The following RHOU variants were observed in gnomAD, a reference collection of about 807,000 sequenced individuals.
The protein encoded by RHOU is ras homolog family member U, also known as rho-related GTP-binding protein RhoU.
RHOU carries 8 observed loss-of-function variants against 12.6 expected under a neutral mutation model. The observed-to-expected ratio is 0.64, with a 90% CI of 0.37 to 1.15. RHOU has a LOEUF of 1.15. Ranked by LOEUF, RHOU falls within the 50% of genes most tolerant of loss-of-function variation. The probability of loss-of-function intolerance (pLI) is 0.01; values close to 1 mark genes in which losing one functional copy is unlikely to be tolerated. For synonymous variants in RHOU, 161 were observed against 147.4 expected, an observed-to-expected ratio of 1.09 and a Z score of -0.67; for missense variants, 258 against 347.0, an observed-to-expected ratio of 0.74 and a Z score of 2.04.
the RHOU span, among the ~76,000 whole-genome samples, chr1:228,698,159 C>T: frequency 1.3e-5 from 2 of 152,182 alleles, no homozygotes; most frequent in African/African-American, 4.8e-5. Context: ...GACCATTTGA[C>T]ATTTTATGAA....
the RHOU span, among the ~76,000 whole-genome samples, chr1:228,696,204 T>C: frequency 6.6e-6 from 1 of 151,744 alleles, no homozygotes; most frequent in African/African-American, 2.4e-5. Context: ...TTTTCTGCAT[T>C]ATTTTATGTA....
chr1:228,736,091 C>A, intron 1 of RHOU, 87 bp downstream of exon 1: 1 of 1,372,018 alleles, frequency 7.3e-7, no homozygotes, highest in Non-Finnish European at 9.7e-7. Flanking sequence ...GCGAGGTTCC[C>A]AAGGGGGCTG....
chr1:228,732,338 T>C (rs2102712470), upstream of RHOU, among the ~76,000 whole-genome samples: 2 of 152,238 alleles, frequency 1.3e-5, no homozygotes, highest in South Asian at 4.1e-4. Context: ...CCCACACACC[T>C]TGGAGGGCTT....
Position 228,737,781 on chromosome 1 carries a change from A to C in RHOU, c.321+50A>C. On this transcript the variant is annotated intron_variant, in intron 2 of 2. Coordinates refer to ENST00000366691, the MANE Select transcript of RHOU (RefSeq NM_021205.6). The surrounding 1 kb of genome is among the most constrained non-coding windows in gnomAD (Gnocchi z 4.1). ...GCTGGGAAAGGAAACAGCCTTTTAA[A>C]GATTTCCAAATAACCTTTGATTCCC... 6.3e-7 allele frequency: 1 copy of C among 1,584,454 alleles called. No individual in the cohort carries two copies. The highest frequency in any genetic ancestry group is 2.2e-5 in the East Asian group (1 of 44,720).
At chr1:228,722,013 A>G in the RHOU span, among the ~76,000 whole-genome samples, 1 of 152,156 alleles carries the variant, frequency 6.6e-6, no homozygotes, top group African/African-American at 2.4e-5. Flanking sequence ...CCAGAAACTA[A>G]CGAAACAATT....
chr1:228,742,335 G>A (rs1662740909), intron 2 of RHOU, among the ~76,000 whole-genome samples: 1 of 152,236 alleles, frequency 6.6e-6, no homozygotes, highest in Non-Finnish European at 1.5e-5. Flanking sequence ...TGTGCCTTGA[G>A]TGTAGGTGAT....
At chr1:228,658,607 T>G in the RHOU span, among the ~76,000 whole-genome samples, 2 of 152,220 alleles carry the variant, frequency 1.3e-5, no homozygotes, top group Non-Finnish European at 2.9e-5. Context: ...TCAGGTATTT[T>G]GTTACAGCAA....
chr1:228,717,789 T>C, the RHOU span, among the ~76,000 whole-genome samples: 1 of 152,204 alleles, frequency 6.6e-6, no homozygotes, highest in African/African-American at 2.4e-5. Flanking sequence ...AATCCAGTTA[T>C]GTGTTTCTGG....
the RHOU span, among the ~76,000 whole-genome samples, chr1:228,665,971 T>C: frequency 2.7e-5 from 4 of 150,848 alleles, no homozygotes; most frequent in African/African-American, 9.7e-5. Flanking sequence ...GAAGTGTTCT[T>C]TTTTTTTTGA....
At chr1:228,707,271 T>TATATA in the RHOU span, among the ~76,000 whole-genome samples, 1 of 131,220 alleles carries the variant, frequency 7.6e-6, no homozygotes. Context: ...TGTGTGTGTG[T>TATATA]GTGTGTGTGT....
Position 228,737,663 on chromosome 1 carries a change from T to C in RHOU, c.263-10T>C. On this transcript the variant is annotated splice_polypyrimidine_tract_variant and intron_variant, in intron 1 of 2. Coordinates refer to ENST00000366691, the MANE Select transcript of RHOU (RefSeq NM_021205.6). This position sits in a 1 kb window ranked among gnomAD's most constrained non-coding sequence, Gnocchi z 4.1. ...CACCTCCTGATTGTCATTTTGGTTT[T>C]GTTTTTAAGCGGTGGTGTCTGTGGA... 6.2e-7 allele frequency: 1 copy of C among 1,614,158 alleles called. No individual in the cohort carries two copies. The highest frequency in any genetic ancestry group is 8.5e-7 in the Non-Finnish European group (1 of 1,179,988).
At chr1:228,658,830 C>A in the RHOU span, among the ~76,000 whole-genome samples, 5 of 152,158 alleles carry the variant, frequency 3.3e-5, no homozygotes, top group Admixed American at 1.3e-4. Context: ...TCAGGTTTTG[C>A]ACTCTGTGAA....
chr1:228,739,722 C>T (rs1662684195), intron 2 of RHOU, among the ~76,000 whole-genome samples: 1 of 152,346 alleles, frequency 6.6e-6, no homozygotes, highest in African/African-American at 2.4e-5. Flanking sequence ...GCTCAGTGCA[C>T]CTACCTGCCC....
At chr1:228,727,510 C>A in the RHOU span, among the ~76,000 whole-genome samples, 1 of 152,036 alleles carries the variant, frequency 6.6e-6, no homozygotes, top group East Asian at 1.9e-4. Context: ...GAGGTTTTAC[C>A]ATGTTGCCCA....
chr1:228,692,341 A>G, the RHOU span, among the ~76,000 whole-genome samples: 6 of 152,186 alleles, frequency 3.9e-5, no homozygotes, highest in African/African-American at 1.2e-4. Context: ...CTGCCCAAAG[A>G]CTTTATGAAA....
At chr1:228,658,770 C>T in the RHOU span, among the ~76,000 whole-genome samples, 2 of 152,152 alleles carry the variant, frequency 1.3e-5, no homozygotes, top group Non-Finnish European at 2.9e-5. Context: ...TCAAGTCCTG[C>T]AGTTGGCCCT....
chr1:228,731,074 T>G (rs1461644660), upstream of RHOU, among the ~76,000 whole-genome samples: 1 of 152,196 alleles, frequency 6.6e-6, no homozygotes, highest in East Asian at 1.9e-4. Context: ...GTGGAACAGT[T>G]AAAATAACTT....
At chr1:228,736,406 C>T (rs929234329) in intron 1 of RHOU, among the ~76,000 whole-genome samples, 1 of 152,120 alleles carries the variant, frequency 6.6e-6, no homozygotes, top group Non-Finnish European at 1.5e-5. Flanking sequence ...GAGTTTCAAT[C>T]AGAAGGTGAC....
At chr1:228,654,907 C>T in the RHOU span, among the ~76,000 whole-genome samples, 1 of 152,092 alleles carries the variant, frequency 6.6e-6, no homozygotes, top group East Asian at 1.9e-4. Flanking sequence ...ATTGCTAATT[C>T]TATGTGCTGT....
Sources: allele counts gnomAD v4.1 joint callset (sites outside exome capture counted in the v4.1 genomes callset), GRCh38; gene constraint gnomAD v4.1.1; non-coding constraint Gnocchi (gnomAD v3.1); transcripts MANE v1.5; gene names NCBI Gene and HGNC (gene_info 2026-07-23, HGNC 2026-07-21).